The following CTCFL variants were observed in gnomAD, a reference collection of about 807,000 sequenced individuals.
The protein encoded by CTCFL is CCCTC-binding factor like, also known as transcriptional repressor CTCFL.
Under a neutral mutation model 67.4 loss-of-function variants are expected in CTCFL, and 36 were observed. That is an observed-to-expected ratio of 0.53 (90% CI 0.41 to 0.71). CTCFL has a LOEUF of 0.71. CTCFL is among the 30% of genes least tolerant of loss of function. CTCFL has a pLI of 0.00. For synonymous variants in CTCFL, 324 were observed against 302.3 expected (o/e 1.07, Z -0.75); for missense variants, 786 against 835.2 (o/e 0.94, Z 0.73).
chr20:57,496,287 C>T, downstream of CTCFL: 1 of 695,468 alleles, frequency 1.4e-6, no homozygotes, highest in Non-Finnish European at 2.6e-6. Context: ...TCGCCTTCTG[C>T]CTTGATTGTA....
intron 8 of CTCFL, among the ~76,000 whole-genome samples, chr20:57,509,284 A>AT (rs370517858): frequency 0.12 from 15,520 of 134,648 alleles, 1,363 homozygotes; most frequent in East Asian, 0.41. Context: ...CTTAATACCG[A>AT]TTTTTTTTTT....
chr20:57,508,858 CATACA>C (rs2068375439), intron 8 of CTCFL, 70 bp from the exon 9 acceptor site: 3 of 1,341,592 alleles, frequency 2.2e-6, no homozygotes, highest in Non-Finnish European at 3.1e-6. Flanking sequence ...CACTGTTTAT[CATACA>C]ATACCTTTTA....
Position 57,523,761 on chromosome 20 carries a change from C to T in CTCFL, c.445G>A (p.Glu149Lys). Residue 149 changes from glutamate (E) to lysine (K), a missense_variant, in exon 2 of 11, where the codon GAG becomes AAG. By Grantham distance (56) the Glu-to-Lys change is moderately conservative (BLOSUM62 1). Around this residue, in one of 3 missense-constraint regions of CTCFL, gnomAD observed 333 missense variants for 304.6 expected, o/e 1.09. Transcript: ENST00000243914. Reference sequence around the variant, plus strand: ...TCTAGAGCGTGGAACTGCAACACCTCCATCTCTTGCGGGGAGTACAGCTCT... The same window carrying T: ...TCTAGAGCGTGGAACTGCAACACCTTCATCTCTTGCGGGGAGTACAGCTCT... The part of the protein sequence containing the change: ...QQELYSPQEM[E>K]VLQFHALEEN... 6.2e-7 allele frequency: 1 copy of T among 1,613,462 alleles called. No homozygotes were observed. The highest frequency in any genetic ancestry group is 8.5e-7 in the Non-Finnish European group (1 of 1,180,046).
In CTCFL at chr20:57,497,169, C is replaced by A; in HGVS notation, c.*1381G>T. ...CAATGCTGACATATAACAAATATAG[C>A]AATTTTAAGTCATTTCATTTTATTG... is the stretch of plus-strand genomic sequence containing the variant. On this transcript the variant is annotated 3_prime_UTR_variant, in exon 11 of 11. Transcript: ENST00000243914. 5.0e-6 allele frequency: 4 copies of A among 802,874 alleles called. No homozygotes were observed. The highest frequency in any genetic ancestry group is 6.0e-6 in the Non-Finnish European group (4 of 663,614). The allele number at this position is 802,874 out of a possible 1,614,324, so 49.7% of individuals were successfully genotyped here.
chr20:57,501,154 T>A (rs1384589880), intron 10 of CTCFL, among the ~76,000 whole-genome samples: 2 of 152,200 alleles, frequency 1.3e-5, no homozygotes, highest in Non-Finnish European at 2.9e-5. Flanking sequence ...AGGCCAGGCC[T>A]AGTGCCAGGA....
rs2069095506 is a variant in CTCFL, at chr20:57,518,533, A to G, written c.1059+225T>C. ...ACAGATGGTTTATTTGTAATTTGTA[A>G]ACCTTTACATATTATTTTCACTAAT... On this transcript the variant is annotated intron_variant, in intron 5 of 10. Transcript: ENST00000243914. 1.2e-5 allele frequency: 17 copies of G among 1,414,616 alleles called. No homozygotes were observed. In the East Asian group the frequency reaches 4.0e-4, roughly 33 times the overall value. 87.6% of individuals were successfully genotyped at this position (1,414,616 alleles called of 1,614,324 possible).
In CTCFL at chr20:57,503,464, C is replaced by G. The variant is rs762750389; in HGVS notation, c.1812G>C (p.Lys604Asn). The G allele has an allele frequency of 4.7e-5, 76 of 1,614,100 alleles. No individual in the cohort carries two copies. Among genetic ancestry groups the G allele is most frequent in the Non-Finnish European group, 5.8e-5 (69 of 1,180,044 alleles). Residue 604 changes from lysine to asparagine, a missense_variant, in exon 10 of 11, where the codon AAG (lysine) becomes AAC (asparagine). By Grantham distance (94) the Lys-to-Asn change is moderately conservative. This residue lies in a region of CTCFL where 199 missense variants were observed against 196.7 expected (regional missense o/e 1.01). Transcript: ENST00000243914. ...EATKGQKEAA[K>N]GWKEAANGDE... ...CTCCGTTCGCGGCTTCCTTCCATCC[C>G]TTCGCAGCTTCCTTCTGACCCTTTG...
intron 8 of CTCFL, among the ~76,000 whole-genome samples, chr20:57,510,523 T>G (rs926708764): frequency 5.3e-5 from 8 of 152,230 alleles, no homozygotes; most frequent in African/African-American, 1.9e-4. Flanking sequence ...AGTTCAAATG[T>G]CACTAAGTGT....
chr20:57,513,578 A>C, intron 7 of CTCFL: 2 of 1,108,588 alleles, frequency 1.8e-6, no homozygotes, highest in Non-Finnish European at 2.2e-6. Flanking sequence ...TGGTGTCAAA[A>C]AAGTCTAGCA....
At chr20:57,503,290 AT>A in intron 10 of CTCFL, 145 bp downstream of exon 10, 2 of 892,650 alleles carry the variant, frequency 2.2e-6, no homozygotes, top group Admixed American at 4.9e-5. Flanking sequence ...ATTCTGAGAG[AT>A]CTGGCACAAG....
intron 9 of CTCFL, 139 bp from the exon 10 acceptor site, chr20:57,503,740 G>A (rs1332213855): frequency 2.5e-6 from 2 of 810,422 alleles, no homozygotes; most frequent in Non-Finnish European, 1.9e-6. Context: ...CACCTCGCTA[G>A]CCCTAAGAAG....
intron 6 of CTCFL, chr20:57,515,398 G>C (rs774431339): frequency 6.4e-6 from 2 of 310,932 alleles, no homozygotes; most frequent in Non-Finnish European, 1.2e-5. Context: ...TCCTGCCTCA[G>C]CCTCCCAAAG....
intron 5 of CTCFL, 66 bp downstream of exon 5, chr20:57,518,692 T>C (rs1220363531): frequency 7.4e-6 from 12 of 1,610,760 alleles, no homozygotes; most frequent in Non-Finnish European, 1.0e-5. Flanking sequence ...TAGTTACACT[T>C]GGAGTAACTT....
chr20:57,519,976 ATGGAGATAGTGGCCAC>A (rs149493135), intron 3 of CTCFL, among the ~76,000 whole-genome samples: 8,636 of 152,312 alleles, frequency 0.057, 279 homozygotes, highest in Middle Eastern at 0.13. Flanking sequence ...CAAAGGCCAC[ATGGAGATAGTGGCCAC>A]CGTACTGAAC....
intron 7 of CTCFL, chr20:57,513,701 G>A: frequency 3.3e-6 from 4 of 1,194,460 alleles, no homozygotes; most frequent in Non-Finnish European, 3.2e-6. Flanking sequence ...TGAAGACTTT[G>A]TGGAACACCT....
intron 9 of CTCFL, chr20:57,507,385 A>G (rs2068267574): frequency 3.4e-6 from 2 of 583,942 alleles, no homozygotes; most frequent in Non-Finnish European, 6.1e-6. Flanking sequence ...TAAAGTAGAG[A>G]CAGGGTTTCA....
At chr20:57,504,781 C>T (rs975161216) in intron 9 of CTCFL, among the ~76,000 whole-genome samples, 2 of 152,086 alleles carry the variant, frequency 1.3e-5, no homozygotes, top group East Asian at 3.9e-4. Context: ...AGAGCTAATA[C>T]TCTTTTCTCA....
chr20:57,519,125 T>C (rs1221738501), intron 4 of CTCFL, 82 bp downstream of exon 4: 5 of 1,408,454 alleles, frequency 3.5e-6, no homozygotes, highest in Non-Finnish European at 4.9e-6. Flanking sequence ...ACGATTCTAC[T>C]GTAGAAACAG....
At chr20:57,499,487 ACT>A (rs1642552210) in intron 10 of CTCFL, 1 of 153,652 alleles carries the variant, frequency 6.5e-6, no homozygotes, top group Admixed American at 6.5e-5. Context: ...ACCAGGGAAC[ACT>A]CTTGTGGAAG....
Sources: allele counts gnomAD v4.1 joint callset (sites outside exome capture counted in the v4.1 genomes callset), GRCh38; gene constraint gnomAD v4.1.1; regional missense constraint gnomAD v4.1.1; transcripts MANE v1.5; gene names NCBI Gene and HGNC (gene_info 2026-07-23, HGNC 2026-07-21).